The following DLEU7 variants were observed in gnomAD, a reference collection of about 807,000 sequenced individuals.
DLEU7 encodes the protein leukemia-associated protein 7.
Under a neutral mutation model 16.0 loss-of-function variants are expected in DLEU7, and 17 were observed. The observed-to-expected ratio is 1.06, with a 90% confidence interval of 0.73 to 1.59. The LOEUF (loss-of-function observed/expected upper bound fraction) is 1.59, where lower values mean the gene tolerates loss of function less well. Among genes scored for constraint, DLEU7 ranks in the 40% most tolerant of loss-of-function variants. The pLI is 0.00. For synonymous variants in DLEU7, 113 were observed against 139.8 expected, an observed-to-expected ratio of 0.81 and a Z score of 1.35; for missense variants, 308 against 314.9, an observed-to-expected ratio of 0.98 and a Z score of 0.17.
At chr13:50,832,465 C>A (rs757111369) in intron 1 of DLEU7, among the ~76,000 whole-genome samples, 1 of 152,020 alleles carries the variant, frequency 6.6e-6, no homozygotes, top group Non-Finnish European at 1.5e-5. Context: ...AAAGGTTTTT[C>A]ATGTCTCTAT....
intron 1 of DLEU7, among the ~76,000 whole-genome samples, chr13:50,806,516 A>G (rs1204693037): frequency 6.6e-6 from 1 of 152,064 alleles, no homozygotes; most frequent in Non-Finnish European, 1.5e-5. Flanking sequence ...GTAAGGAAAA[A>G]TTTGTTTTAT....
At chr13:50,763,685 G>C (rs1875010872) in intron 1 of DLEU7, among the ~76,000 whole-genome samples, 1 of 152,150 alleles carries the variant, frequency 6.6e-6, no homozygotes, top group African/African-American at 2.4e-5. Flanking sequence ...TGACCCTTTT[G>C]ACATGTCTTT....
intron 1 of DLEU7, among the ~76,000 whole-genome samples, chr13:50,797,618 A>T (rs1876139898): frequency 6.6e-6 from 1 of 152,162 alleles, no homozygotes; most frequent in Non-Finnish European, 1.5e-5. Flanking sequence ...GCAATTGTTT[A>T]TTCTCATGGC....
intron 1 of DLEU7, among the ~76,000 whole-genome samples, chr13:50,757,986 A>G (rs1205450126): frequency 1.3e-5 from 2 of 149,504 alleles, no homozygotes; most frequent in Non-Finnish European, 3.0e-5. Flanking sequence ...AATATATTTT[A>G]TACCTAACTT....
At chr13:50,830,796 T>A (rs1020056491) in intron 1 of DLEU7, among the ~76,000 whole-genome samples, 5 of 152,146 alleles carry the variant, frequency 3.3e-5, no homozygotes, top group Admixed American at 6.5e-5. Flanking sequence ...CAGATGTTAC[T>A]TAGAATGGGA....
intron 1 of DLEU7, among the ~76,000 whole-genome samples, chr13:50,755,728 T>C (rs1874735504): frequency 6.7e-6 from 1 of 149,540 alleles, no homozygotes; most frequent in South Asian, 2.1e-4. Context: ...TATCCATTGC[T>C]GGTGAGCTAA....
At chr13:50,715,700 A>G (rs1232703701) in intron 1 of DLEU7, among the ~76,000 whole-genome samples, 1 of 152,252 alleles carries the variant, frequency 6.6e-6, no homozygotes, top group Non-Finnish European at 1.5e-5. Context: ...GGAAGCTACA[A>G]TGGCAGCTCC....
intron 1 of DLEU7, among the ~76,000 whole-genome samples, chr13:50,800,620 T>C (rs1213905528): frequency 1.3e-5 from 2 of 152,180 alleles, no homozygotes; most frequent in Non-Finnish European, 2.9e-5. Flanking sequence ...TTAAAACTTC[T>C]GCCCATCCTC....
chr13:50,837,017 C>T (rs1349640991), intron 1 of DLEU7, among the ~76,000 whole-genome samples: 4 of 152,216 alleles, frequency 2.6e-5, no homozygotes, highest in African/African-American at 9.6e-5. Flanking sequence ...AGCAGTCATC[C>T]ATCACCTGAA....
At chr13:50,822,530 A>G (rs977617527), downstream of DLEU7, 3 of 725,996 alleles carry the variant, frequency 4.1e-6, no homozygotes, top group Admixed American at 6.3e-5. Context: ...TCCCGGCTCT[A>G]AACGGTTTGG....
rs562508287 is a variant in DLEU7 at position 50,832,649 on chromosome 13, T to C, written c.460-9129A>G. 2.1e-4 allele frequency among the ~76,000 whole-genome samples: 32 copies of C among 152,328 alleles called. No homozygotes were observed. In the South Asian group the frequency reaches 5.8e-3, roughly 28 times the overall value. On this transcript the variant is annotated intron_variant, in intron 1 of 1. Transcript: ENST00000504404. ...ATAAATTTCCCTCTAAACACTACTT[T>C]AGCTGCGTCCCAGAGATTCTGGTAC...
At chr13:50,785,150 G>A (rs1195869610) in intron 1 of DLEU7, among the ~76,000 whole-genome samples, 2 of 152,084 alleles carry the variant, frequency 1.3e-5, no homozygotes, top group East Asian at 1.9e-4. Context: ...AGTAACTTAC[G>A]CAGGTGTGAC....
intron 1 of DLEU7, among the ~76,000 whole-genome samples, chr13:50,749,441 G>C (rs995403402): frequency 2.6e-5 from 4 of 152,020 alleles, no homozygotes; most frequent in African/African-American, 9.7e-5. Flanking sequence ...CTTTTCCTCT[G>C]TGTAGATACC....
intron 1 of DLEU7, among the ~76,000 whole-genome samples, chr13:50,830,120 C>A (rs1045542733): frequency 1.3e-5 from 2 of 152,156 alleles, no homozygotes; most frequent in African/African-American, 4.8e-5. Flanking sequence ...CATGGTTGAG[C>A]AATCTAAAAG....
In DLEU7 at chr13:50,736,510, T is replaced by A. The variant is rs184196165; in HGVS notation, c.460-23270A>T. 7.2e-4 allele frequency among the ~76,000 whole-genome samples: 110 copies of A among 151,984 alleles called. 1 individual carries two copies. Among genetic ancestry groups the A allele is most frequent in the African/African-American group, 2.5e-3 (105 of 41,448 alleles). ...TATACGCAGAACCTAAAATAAAAGT[T>A]AAAGAAAAGAAAGATGTATTTAAAT... On this transcript the variant is annotated intron_variant, in intron 1 of 1. Coordinates refer to the DLEU7 transcript ENST00000400393.
intron 1 of DLEU7, among the ~76,000 whole-genome samples, chr13:50,741,731 G>A (rs1874255998): frequency 6.6e-6 from 1 of 152,058 alleles, no homozygotes; most frequent in African/African-American, 2.4e-5. Context: ...AAAAGAAATA[G>A]CATTTCTCAC....
chr13:50,766,521 C>T (rs1460432241), intron 1 of DLEU7, among the ~76,000 whole-genome samples: 1 of 152,078 alleles, frequency 6.6e-6, no homozygotes, highest in East Asian at 1.9e-4. Flanking sequence ...TTTCTCCTTC[C>T]ACACCACTTA....
chr13:50,771,466 G>T (rs961909103), intron 1 of DLEU7, among the ~76,000 whole-genome samples: 10 of 151,982 alleles, frequency 6.6e-5, no homozygotes, highest in Admixed American at 2.0e-4. Context: ...ATGTTGTGTT[G>T]TTGTTCTCAT....
chr13:50,819,307 G>A (rs2137798317), downstream of DLEU7, among the ~76,000 whole-genome samples: 1 of 152,224 alleles, frequency 6.6e-6, no homozygotes. Context: ...TTGAAGAGGT[G>A]AGTGGTAAAG....
Sources: allele counts gnomAD v4.1 joint callset (sites outside exome capture counted in the v4.1 genomes callset), GRCh38; gene constraint gnomAD v4.1.1; transcripts MANE v1.5; gene names NCBI Gene and HGNC (gene_info 2026-07-23, HGNC 2026-07-21).